SDK1: variants seen among roughly 807,000 people sequenced by gnomAD.
SDK1 encodes the protein sidekick cell adhesion molecule 1, also known as protein sidekick-1.
A neutral mutation model predicts 245.5 loss-of-function variants in SDK1; 157 were observed. That is an observed-to-expected ratio of 0.64 (90% CI 0.56 to 0.73). The LOEUF (loss-of-function observed/expected upper bound fraction) is 0.73, where lower values mean the gene tolerates loss of function less well. Ranked by LOEUF, SDK1 falls within the 30% of genes least tolerant of loss-of-function variation. The pLI is 0.00. For missense variants in SDK1, 3,583 were observed against 3,002.3 expected, an observed-to-expected ratio of 1.19 and a Z score of -4.52; for synonymous variants, 1,647 against 1,278.5, an observed-to-expected ratio of 1.29 and a Z score of -6.15.
intron 4 of SDK1, among the ~76,000 whole-genome samples, chr7:3,802,548 G>A (rs1213223277): frequency 1.3e-5 from 2 of 150,850 alleles, no homozygotes; most frequent in Middle Eastern, 3.4e-3. Context: ...AAAAAAAAAA[G>A]TGCTACAGAG....
At chr7:3,623,733 A>G (rs1409207525) in intron 2 of SDK1, among the ~76,000 whole-genome samples, 1 of 152,226 alleles carries the variant, frequency 6.6e-6, no homozygotes, top group African/African-American at 2.4e-5. Context: ...TTCTAATTAT[A>G]TTCAACATAT....
At chr7:3,478,463 C>G (rs1181321113) in intron 1 of SDK1, among the ~76,000 whole-genome samples, 2 of 151,780 alleles carry the variant, frequency 1.3e-5, no homozygotes, top group African/African-American at 2.4e-5. Flanking sequence ...GAAAAATAAC[C>G]TAGGAGTATC....
At chr7:3,620,708 A>G (rs79190087) in intron 2 of SDK1, among the ~76,000 whole-genome samples, 4,622 of 152,078 alleles carry the variant, frequency 0.03, 206 homozygotes, top group African/African-American at 0.099. Flanking sequence ...TGCAGCCCCA[A>G]TCAGGAGCAG....
chr7:3,536,208 C>T lies in SDK1; in HGVS notation c.299-82872C>T, dbSNP rs184516437. 2.1e-4 allele frequency among the ~76,000 whole-genome samples: 31 copies of T among 150,388 alleles called. 2 individuals are homozygous for T. In the East Asian group the frequency reaches 6.2e-3, roughly 30 times the overall value. On this transcript the variant is annotated intron_variant, in intron 1 of 44. Transcript: ENST00000404826. Reference sequence around the variant, plus strand: ...AGTAGCTGTGACTACAGGCGCCCGCCACCACACCCAGCTAATTTTTTTTTT... The same window carrying T: ...AGTAGCTGTGACTACAGGCGCCCGCTACCACACCCAGCTAATTTTTTTTTT...
At chr7:3,828,989 A>T (rs1342173097) in intron 5 of SDK1, among the ~76,000 whole-genome samples, 2 of 151,978 alleles carry the variant, frequency 1.3e-5, no homozygotes, top group African/African-American at 4.8e-5. Context: ...GTTTTTTCAG[A>T]GGCTGTGATA....
At chr7:4,079,987 G>T (rs112439300) in intron 22 of SDK1, among the ~76,000 whole-genome samples, 1 of 152,176 alleles carries the variant, frequency 6.6e-6, no homozygotes, top group African/African-American at 2.4e-5. Flanking sequence ...TTTTAGAGAC[G>T]ATTGTTCTAT....
intron 4 of SDK1, among the ~76,000 whole-genome samples, chr7:3,812,641 G>A (rs760064106): frequency 1.3e-5 from 2 of 152,210 alleles, no homozygotes; most frequent in Non-Finnish European, 2.9e-5. Context: ...TAACTAAACT[G>A]GTGGAGGCTT....
At position 3,903,809 on chromosome 7, in the gene SDK1, G is replaced by C. The variant is rs550300873; in HGVS notation, c.848-47114G>C. Among the ~76,000 whole-genome samples the C allele has an allele frequency of 3.3e-5, 5 of 152,290 alleles. No individual in the cohort carries two copies. In the South Asian group the frequency reaches 8.3e-4, roughly 25 times the overall value. ...CATGGGAGGTGTTTGGGTCACGGAA[G>C]TGGGTCCCTCATGAACAGATTAGTA... On this transcript the variant is annotated intron_variant, in intron 5 of 44. Coordinates refer to ENST00000404826, the MANE Select transcript of SDK1 (RefSeq NM_152744.4).
At position 3,872,580 on chromosome 7, in the gene SDK1, C is replaced by CTTT. The variant is rs57740560; in HGVS notation, c.847+51010_847+51012dup. ...ATGGTCATAGGATTGTTTTTGGTATCTTTTTTTTTTTTTTTACATATGTGA... is the reference window on the plus strand; with the variant it reads ...ATGGTCATAGGATTGTTTTTGGTATCTTTTTTTTTTTTTTTTTTACATATGTGA... On this transcript the variant is annotated intron_variant, in intron 5 of 44. Coordinates refer to ENST00000404826, the MANE Select transcript of SDK1 (RefSeq NM_152744.4). Among the ~76,000 whole-genome samples the CTTT allele has an allele frequency of 8.9e-4, 125 of 140,100 alleles. 1 individual carries two copies. The highest frequency in any genetic ancestry group is 4.0e-3 in the East Asian group (19 of 4,752). The allele number at this position is 140,100 out of a possible 152,430, so 91.9% of individuals were successfully genotyped here. A position where few individuals can be genotyped will look rare whatever the true frequency, so the allele number is the denominator to read the frequency against.
At chr7:3,818,127 A>T (rs1583445812) in intron 4 of SDK1, among the ~76,000 whole-genome samples, 1 of 152,232 alleles carries the variant, frequency 6.6e-6, no homozygotes, top group African/African-American at 2.4e-5. Context: ...GGGAGTTAAA[A>T]TGATGAGGTT....
intron 1 of SDK1, among the ~76,000 whole-genome samples, chr7:3,527,787 A>G (rs1783194232): frequency 6.7e-6 from 1 of 149,808 alleles, no homozygotes; most frequent in Admixed American, 6.6e-5. Flanking sequence ...GTTGGATCAT[A>G]GCCAGCTAGA....
At position 4,012,212 on chromosome 7, in the gene SDK1, G is replaced by A. The variant is rs202017032; in HGVS notation, c.2397G>A (p.Gly799=). 13 of 1,541,028 alleles carry A rather than the reference G, an allele frequency of 8.4e-6. No homozygotes were observed. The highest frequency in any genetic ancestry group is 1.0e-5 in the Non-Finnish European group (12 of 1,145,822). The stretch of plus-strand genomic sequence containing the variant: ...CACCCCCAGAAACAGAGCACAACGG[G>A]GTGTTGCGTGGATACATCCTCAGGC... ...WQPPPETEHN[G]VLRGYILRYR... The change falls in exon 16 of 45, where the codon GGG becomes GGA. Residue 799 remains glycine (G), a synonymous_variant. Transcript: ENST00000404826.
intron 1 of SDK1, among the ~76,000 whole-genome samples, chr7:3,540,981 A>C (rs989671810): frequency 6.6e-6 from 1 of 152,158 alleles, no homozygotes; most frequent in Non-Finnish European, 1.5e-5. Flanking sequence ...ATTTTACTGG[A>C]GGAAAGCCCA....
At chr7:3,389,741 TG>T (rs1292720490) in intron 1 of SDK1, among the ~76,000 whole-genome samples, 3 of 115,432 alleles carry the variant, frequency 2.6e-5, no homozygotes, top group Non-Finnish European at 5.4e-5. Context: ...CTCCACAGCC[TG>T]GGCAACAGAA....
intron 2 of SDK1, among the ~76,000 whole-genome samples, chr7:3,621,193 A>G (rs371622576): frequency 1.6e-4 from 25 of 152,256 alleles, no homozygotes; most frequent in African/African-American, 5.5e-4. Flanking sequence ...GTTTGTTAGA[A>G]GGGGTGTAAG....
chr7:4,119,441 C>T (rs1412263192), intron 25 of SDK1, among the ~76,000 whole-genome samples: 1 of 148,264 alleles, frequency 6.7e-6, no homozygotes, highest in East Asian at 1.9e-4. Context: ...GGTGGCAGAG[C>T]AAGACCCTGT....
chr7:3,581,671 G>T (rs751346724), intron 1 of SDK1, among the ~76,000 whole-genome samples: 1 of 152,276 alleles, frequency 6.6e-6, no homozygotes, highest in East Asian at 1.9e-4. Context: ...AATGTAAATC[G>T]TTCTACGACA....
chr7:3,856,559 G>A (rs1170101493), intron 5 of SDK1, among the ~76,000 whole-genome samples: 2 of 151,586 alleles, frequency 1.3e-5, no homozygotes, highest in African/African-American at 2.4e-5. Context: ...GGGAGGCCGA[G>A]GCAGGTGGAT....
rs60409549 is a variant in SDK1, at chr7:3,862,317, C to T, written c.847+40734C>T. ...TTCAAGTTCCCCAGGTAATTTCTGT[C>T]TGCAGCCAGGATTGACAGATCCCTG... On this transcript the variant is annotated intron_variant, in intron 5 of 44. Transcript: ENST00000404826. Among the ~76,000 whole-genome samples the T allele has an allele frequency of 9.4e-3, 1,438 of 152,334 alleles. 27 individuals are homozygous for T. The highest frequency in any genetic ancestry group is 0.033 in the African/African-American group (1,362 of 41,566).
Sources: allele counts gnomAD v4.1 joint callset (sites outside exome capture counted in the v4.1 genomes callset), GRCh38; gene constraint gnomAD v4.1.1; transcripts MANE v1.5; gene names NCBI Gene and HGNC (gene_info 2026-07-23, HGNC 2026-07-21).